The following DOCK7 variants were observed in gnomAD, a reference collection of about 807,000 sequenced individuals.
DOCK7 encodes dedicator of cytokinesis protein 7.
In DOCK7, 138 loss-of-function variants were observed where a neutral mutation model predicts 271.0. That is an observed-to-expected ratio of 0.51 (90% CI 0.44 to 0.59). DOCK7 has a LOEUF of 0.59. DOCK7 is among the 20% of genes least tolerant of loss of function. The probability of loss-of-function intolerance (pLI) is 0.00; values close to 1 mark genes in which losing one functional copy is unlikely to be tolerated. For synonymous variants in DOCK7, 823 were observed against 876.1 expected (o/e 0.94, Z 1.07); for missense variants, 2,066 against 2,592.4 (o/e 0.80, Z 4.41).
chr1:62,592,866 A>C (rs1648668261), intron 14 of DOCK7, among the ~76,000 whole-genome samples: 1 of 152,214 alleles, frequency 6.6e-6, no homozygotes, highest in African/African-American at 2.4e-5. Flanking sequence ...AGCAATCGTA[A>C]GTTACAAGTC....
chr1:62,480,785 G>T (rs1219051890), intron 43 of DOCK7, among the ~76,000 whole-genome samples: 1 of 152,146 alleles, frequency 6.6e-6, no homozygotes, highest in Non-Finnish European at 1.5e-5. Context: ...AAGGCGGGGG[G>T]GATCACGAGG....
chr1:62,508,078 G>GA lies in DOCK7; in HGVS notation c.4380-21dup, dbSNP rs771569712. On this transcript the variant is annotated intron_variant, in intron 34 of 49. Coordinates refer to ENST00000635253, the MANE Select transcript of DOCK7 (RefSeq NM_001367561.1). Reference sequence around the variant, plus strand: ...CTTGATCTAATACAAAATATTGTAAGAAATTATATTTATCTTTTTGAAAAC... The same window carrying GA: ...CTTGATCTAATACAAAATATTGTAAGAAAATTATATTTATCTTTTTGAAAAC... 6.4e-6 allele frequency: 10 copies of GA among 1,567,274 alleles called. No individual in the cohort carries two copies. Among genetic ancestry groups the GA allele is most frequent in the Non-Finnish European group, 8.6e-6 (10 of 1,161,342 alleles).
At position 62,517,077 on chromosome 1, in the gene DOCK7, T is replaced by C. The variant is rs77461130; in HGVS notation, c.3937-3179A>G. Reference sequence around the variant, plus strand: ...TTTAAACACTACTTTTTGTCACAGTTCTTAGTGATTTCAATGTCTATGTAT... The same window carrying C: ...TTTAAACACTACTTTTTGTCACAGTCCTTAGTGATTTCAATGTCTATGTAT... On this transcript the variant is annotated intron_variant, in intron 31 of 49. Transcript: ENST00000635253. 2.5e-3 allele frequency among the ~76,000 whole-genome samples: 384 copies of C among 152,304 alleles called. 1 individual carries two copies. Among genetic ancestry groups the C allele is most frequent in the Non-Finnish European group, 4.1e-3 (282 of 68,030 alleles).
chr1:62,641,332 C>T (rs1655996906), intron 7 of DOCK7: 2 of 407,764 alleles, frequency 4.9e-6, no homozygotes, highest in African/African-American at 2.1e-5. Context: ...CAAACTTTCT[C>T]ACAGGCTTCA....
At chr1:62,507,420 A>G (rs1485450881) in intron 35 of DOCK7, among the ~76,000 whole-genome samples, 1 of 152,236 alleles carries the variant, frequency 6.6e-6, no homozygotes, top group Non-Finnish European at 1.5e-5. Flanking sequence ...TTTCAATGTC[A>G]TGAGTTTCTT....
At chr1:62,559,345 C>G (rs1347484134) in intron 19 of DOCK7, 125 bp from the exon 20 acceptor site, 1 of 597,854 alleles carries the variant, frequency 1.7e-6, no homozygotes, top group Non-Finnish European at 2.8e-6. Flanking sequence ...AGTAGGTATA[C>G]AAACATTGTT....
At chr1:62,646,052 C>G (rs896548926) in intron 7 of DOCK7, among the ~76,000 whole-genome samples, 1 of 151,276 alleles carries the variant, frequency 6.6e-6, no homozygotes, top group Admixed American at 6.6e-5. Context: ...GGGGCTGAGG[C>G]AGGAGAATCG....
chr1:62,492,906 A>G (rs900010907), intron 40 of DOCK7, 59 bp from the exon 41 acceptor site: 4 of 1,391,082 alleles, frequency 2.9e-6, no homozygotes, highest in African/African-American at 1.5e-5. Flanking sequence ...ATAAAAATGT[A>G]TAAGAAGAAA....
chr1:62,562,232 ACTTTTT>A (rs1646346974), intron 18 of DOCK7, among the ~76,000 whole-genome samples: 2 of 17,996 alleles, frequency 1.1e-4, no homozygotes, highest in East Asian at 4.4e-3. Context: ...GGATCCAAAA[ACTTTTT>A]TTTTTTTTTT....
At chr1:62,677,598 T>C (rs1439280299) in intron 1 of DOCK7, among the ~76,000 whole-genome samples, 2 of 151,560 alleles carry the variant, frequency 1.3e-5, no homozygotes, top group African/African-American at 4.9e-5. Flanking sequence ...AGCAGTGATA[T>C]ATCCAGAGTA....
At chr1:62,537,759 A>T in intron 28 of DOCK7, 132 bp downstream of exon 28, 1 of 778,210 alleles carries the variant, frequency 1.3e-6, no homozygotes, top group Non-Finnish European at 2.0e-6. Flanking sequence ...AATGACTTTT[A>T]ATACTTACAA....
intron 48 of DOCK7, among the ~76,000 whole-genome samples, chr1:62,470,948 T>G (rs1008893100): frequency 1.3e-5 from 2 of 152,116 alleles, no homozygotes; most frequent in African/African-American, 4.8e-5. Context: ...CTCCTCTGCC[T>G]CTGCCACTCT....
chr1:62,473,527 G>A (rs1035663844), intron 48 of DOCK7, among the ~76,000 whole-genome samples: 1 of 152,086 alleles, frequency 6.6e-6, no homozygotes, highest in South Asian at 2.1e-4. Flanking sequence ...CTATTAAAGA[G>A]TAGTAAATTC....
At chr1:62,597,882 C>T (rs773994616) in intron 14 of DOCK7, 1 of 1,577,288 alleles carries the variant, frequency 6.3e-7, no homozygotes, top group Non-Finnish European at 8.6e-7. Flanking sequence ...TACATATAAA[C>T]TACAAGTCAA....
chr1:62,562,493 G>A (rs1023883106), intron 18 of DOCK7, among the ~76,000 whole-genome samples: 2 of 152,074 alleles, frequency 1.3e-5, no homozygotes, highest in African/African-American at 4.8e-5. Context: ...GGGATTACAA[G>A]CGTAAGCCAC....
intron 41 of DOCK7, 123 bp downstream of exon 41, chr1:62,492,581 C>G: frequency 8.0e-7 from 1 of 1,254,278 alleles, no homozygotes; most frequent in Non-Finnish European, 1.1e-6. Flanking sequence ...AGCCACCATA[C>G]TGGGTCCAGA....
chr1:62,494,304 A>C lies in DOCK7; in HGVS notation c.5188T>G (p.Tyr1730Asp). 6.2e-7 allele frequency: 1 copy of C among 1,602,020 alleles called. No individual in the cohort carries two copies. The highest frequency in any genetic ancestry group is 2.2e-5 in the East Asian group (1 of 44,552). The change falls in exon 40 of 50, where the codon TAT becomes GAT. Residue 1730 changes from tyrosine (Y) to aspartate (D), a missense_variant. Tyr to Asp is a radical substitution (Grantham distance 160). Coordinates refer to ENST00000635253, the MANE Select transcript of DOCK7 (RefSeq NM_001367561.1). Reference protein sequence around the residue: ...EYLSMLEDRKYLPVGCVTFQN... With the variant: ...EYLSMLEDRKDLPVGCVTFQN... ...AATGTTACACATCCCACAGGAAGAT[A>C]TTTCCGGTCCTCCAGCATGCTCAAA...
intron 1 of DOCK7, among the ~76,000 whole-genome samples, chr1:62,670,530 A>G (rs1659858485): frequency 1.3e-5 from 2 of 150,620 alleles, no homozygotes; most frequent in South Asian, 4.2e-4. Flanking sequence ...TAAATACACC[A>G]ATCGGCACTC....
intron 1 of DOCK7, among the ~76,000 whole-genome samples, chr1:62,684,870 C>CA (rs898913747): frequency 6.6e-6 from 1 of 152,080 alleles, no homozygotes; most frequent in African/African-American, 2.4e-5. Flanking sequence ...ATCACAGCCT[C>CA]AAAAAATAAC....
Sources: gnomAD v4.1 joint callset for allele counts (sites outside exome capture counted in the v4.1 genomes callset) on GRCh38, gnomAD v4.1.1 for gene constraint, MANE v1.5 for transcripts, NCBI Gene and HGNC (gene_info 2026-07-23, HGNC 2026-07-21) for gene names.